The following MTA3 variants were observed in gnomAD, a reference collection of about 807,000 sequenced individuals.
The protein encoded by MTA3 is metastasis associated 1 family member 3.
Under a neutral mutation model 83.5 loss-of-function variants are expected in MTA3, and 34 were observed. The observed-to-expected ratio is 0.41, with a 90% CI of 0.31 to 0.54. The LOEUF is 0.54. MTA3 is among the 20% of genes least tolerant of loss of function. The pLI, the probability that MTA3 is intolerant of heterozygous loss-of-function variation, is 0.33. For synonymous variants in MTA3, 303 were observed against 252.7 expected (o/e 1.20, Z -1.89); for missense variants, 761 against 726.4 (o/e 1.05, Z -0.55).
At chr2:42,541,374 C>A (rs541801505) in intron 2 of MTA3, among the ~76,000 whole-genome samples, 2 of 152,266 alleles carry the variant, frequency 1.3e-5, no homozygotes, top group East Asian at 1.9e-4. Flanking sequence ...TTGTGATATT[C>A]TTTTGTGATG....
At chr2:42,682,121 T>C (rs1691988203) in intron 8 of MTA3, among the ~76,000 whole-genome samples, 1 of 151,938 alleles carries the variant, frequency 6.6e-6, no homozygotes, top group African/African-American at 2.4e-5. Flanking sequence ...GGCAGGAGGA[T>C]TGCTTGAGCC....
intron 4 of MTA3, among the ~76,000 whole-genome samples, chr2:42,612,609 C>A (rs1465650873): frequency 6.6e-6 from 1 of 152,072 alleles, no homozygotes; most frequent in East Asian, 1.9e-4. Flanking sequence ...CACCTGTAAT[C>A]CCAGCACTTT....
chr2:42,536,528 G>C (rs1294154583), intron 2 of MTA3, among the ~76,000 whole-genome samples: 1 of 151,618 alleles, frequency 6.6e-6, no homozygotes, highest in African/African-American at 2.4e-5. Context: ...GACCCTTTCC[G>C]AGGCAATCCT....
chr2:42,675,147 T>C (rs570158254), intron 8 of MTA3, among the ~76,000 whole-genome samples: 1 of 151,788 alleles, frequency 6.6e-6, no homozygotes, highest in Admixed American at 6.6e-5. Flanking sequence ...TTCTTTTTTC[T>C]TTTTTTTGAG....
Position 42,656,306 on chromosome 2 carries a change from A to G in MTA3, c.602+4A>G. On this transcript the variant is annotated splice_donor_region_variant and intron_variant, in intron 7 of 16. Coordinates refer to ENST00000405094, the MANE Select transcript of MTA3 (RefSeq NM_001330442.2). Reference sequence around the variant, plus strand: ...ACCAGTTTTTAGTTGTAGCACGGTGAGTATGAGTATGGCATTATTGAGTCA... The same window carrying G: ...ACCAGTTTTTAGTTGTAGCACGGTGGGTATGAGTATGGCATTATTGAGTCA... The G allele has an allele frequency of 6.3e-7, 1 of 1,586,344 alleles. No homozygotes were observed. Among genetic ancestry groups the G allele is most frequent in the South Asian group, 1.1e-5 (1 of 90,392 alleles).
intron 2 of MTA3, among the ~76,000 whole-genome samples, chr2:42,502,535 A>G (rs560182481): frequency 3.2e-4 from 48 of 152,296 alleles, no homozygotes; most frequent in African/African-American, 9.1e-4. Flanking sequence ...GCGGCGGCTC[A>G]TGCCTGTACT....
At chr2:42,649,833 T>C (rs1459811642) in intron 6 of MTA3, among the ~76,000 whole-genome samples, 3 of 152,228 alleles carry the variant, frequency 2.0e-5, no homozygotes, top group Admixed American at 6.5e-5. Context: ...TTTAATTTAT[T>C]TGAAGCTGTA....
At chr2:42,561,341 T>A (rs926460514) in intron 2 of MTA3, among the ~76,000 whole-genome samples, 1 of 151,678 alleles carries the variant, frequency 6.6e-6, no homozygotes, top group Non-Finnish European at 1.5e-5. Context: ...TTTTTTTTTT[T>A]AGATGGAATC....
At chr2:42,749,937 A>G (rs1669744723) in intron 16 of MTA3, among the ~76,000 whole-genome samples, 1 of 151,982 alleles carries the variant, frequency 6.6e-6, no homozygotes, top group South Asian at 2.1e-4. Flanking sequence ...TGTTTCATAG[A>G]TACTGTATTT....
intron 16 of MTA3, among the ~76,000 whole-genome samples, chr2:42,738,422 A>G (rs1273508911): frequency 6.6e-6 from 1 of 152,212 alleles, no homozygotes; most frequent in Non-Finnish European, 1.5e-5. Context: ...TTTCATGGAC[A>G]CTTACCACTT....
At chr2:42,539,040 CTGGGAT>C (rs1379672734) in intron 2 of MTA3, among the ~76,000 whole-genome samples, 3 of 151,920 alleles carry the variant, frequency 2.0e-5, no homozygotes, top group Non-Finnish European at 4.4e-5. Flanking sequence ...TCCCAAAGTG[CTGGGAT>C]TACAGGCGTG....
At chr2:42,653,931 A>T (rs1688934908) in intron 6 of MTA3, among the ~76,000 whole-genome samples, 1 of 152,190 alleles carries the variant, frequency 6.6e-6, no homozygotes, top group Non-Finnish European at 1.5e-5. Flanking sequence ...AATTATTTTT[A>T]AAAAGACACA....
intron 4 of MTA3, among the ~76,000 whole-genome samples, chr2:42,636,717 C>T: frequency 6.7e-6 from 1 of 149,944 alleles, no homozygotes; most frequent in Non-Finnish European, 1.5e-5. Flanking sequence ...ACCTCCGGCT[C>T]CCAGGTTCAA....
At chr2:42,559,537 A>G (rs896023068) in intron 2 of MTA3, among the ~76,000 whole-genome samples, 3 of 150,420 alleles carry the variant, frequency 2.0e-5, no homozygotes, top group Non-Finnish European at 4.4e-5. Context: ...TTCCCATTTC[A>G]TCTCTTATAT....
chr2:42,611,854 TAGAG>T (rs1684262866), intron 4 of MTA3, among the ~76,000 whole-genome samples: 1 of 152,086 alleles, frequency 6.6e-6, no homozygotes, highest in Non-Finnish European at 1.5e-5. Flanking sequence ...AATAGATAGA[TAGAG>T]AGATATGGAG....
intron 6 of MTA3, among the ~76,000 whole-genome samples, chr2:42,654,041 T>C (rs1352635863): frequency 6.6e-6 from 1 of 152,258 alleles, no homozygotes; most frequent in African/African-American, 2.4e-5. Flanking sequence ...GTTGAGTGTC[T>C]TGTCTTGGCA....
chr2:42,526,538 C>T (rs1263696177), intron 2 of MTA3, among the ~76,000 whole-genome samples: 2 of 152,230 alleles, frequency 1.3e-5, no homozygotes, highest in Non-Finnish European at 2.9e-5. Flanking sequence ...CATCCACCGT[C>T]ATCTCTGGGC....
intron 9 of MTA3, among the ~76,000 whole-genome samples, chr2:42,687,147 C>T (rs1692450158): frequency 6.6e-6 from 1 of 151,964 alleles, no homozygotes; most frequent in Admixed American, 6.6e-5. Context: ...CAAAACTCAT[C>T]ACCACAATCA....
Position 42,656,271 on chromosome 2 carries a change from C to G in MTA3, c.571C>G (p.Arg191Gly), listed in dbSNP as rs368905145. The change falls in exon 7 of 17, where the codon CGA (arginine) becomes GGA (glycine). Residue 191 changes from arginine (R) to glycine (G), a missense_variant. By Grantham distance (125) the Arg-to-Gly change is moderately radical. Transcript: ENST00000405094. ...GGATCCAAATAGCCCACTTACGGATCGACAGATTGACCAGTTTTTAGTTGT... is the reference window on the plus strand; with the variant it reads ...GGATCCAAATAGCCCACTTACGGATGGACAGATTGACCAGTTTTTAGTTGT... Reference protein sequence around the residue: ...VWDPNSPLTDRQIDQFLVVAR... With the variant: ...VWDPNSPLTDGQIDQFLVVAR... 2.6e-5 allele frequency: 42 copies of G among 1,613,358 alleles called. No homozygotes were observed. The highest frequency in any genetic ancestry group is 1.6e-4 in the Middle Eastern group (1 of 6,082).
Sources: allele counts gnomAD v4.1 joint callset (sites outside exome capture counted in the v4.1 genomes callset), GRCh38; gene constraint gnomAD v4.1.1; transcripts MANE v1.5; gene names NCBI Gene and HGNC (gene_info 2026-07-23, HGNC 2026-07-21).